The following VIM variants were observed in gnomAD, a reference collection of about 807,000 sequenced individuals.
The protein encoded by VIM is epididymis secretory sperm binding protein.
Under a neutral mutation model 50.3 loss-of-function variants are expected in VIM, and 18 were observed. The observed-to-expected ratio is 0.36, with a 90% CI of 0.25 to 0.53. The LOEUF is 0.53. VIM is among the 20% of genes least tolerant of loss of function. The pLI, the probability that VIM is intolerant of heterozygous loss-of-function variation, is 0.91. For synonymous variants in VIM, 245 were observed against 248.5 expected (o/e 0.99, Z 0.13); for missense variants, 551 against 614.7 (o/e 0.90, Z 1.10).
chr10:17,229,473 C>T lies in VIM; in HGVS notation c.51C>T (p.Gly17=). The T allele has an allele frequency of 6.2e-7, 1 of 1,606,666 alleles. No individual in the cohort carries two copies. The highest frequency in any genetic ancestry group is 8.5e-7 in the Non-Finnish European group (1 of 1,179,036). ...CCTCCTACCGCAGGATGTTCGGCGG[C>T]CCGGGCACCGCGAGCCGGCCGAGCT... ...SSSSYRRMFG[G]PGTASRPSSS... Residue 17 remains glycine (G), a synonymous_variant, in exon 2 of 10, where the codon GGC becomes GGT. Coordinates refer to ENST00000544301, the MANE Select transcript of VIM (RefSeq NM_003380.5).
In VIM at chr10:17,237,232, T is replaced by A. The variant is rs1355411378; in HGVS notation, c.1362T>A (p.Val454=). 1 of 1,603,934 alleles carries A rather than the reference T, an allele frequency of 6.2e-7. No homozygotes were observed. The highest frequency in any genetic ancestry group is 2.2e-5 in the East Asian group (1 of 44,830). Residue 454 remains valine (V), a splice_region_variant and synonymous_variant, in exon 10 of 10, where the codon GTT becomes GTA. Coordinates refer to ENST00000544301, the MANE Select transcript of VIM (RefSeq NM_003380.5). ...TTTTGGTTTTTTTTTTTAAACAGGT[T>A]ATCAACGAAACTTCTCAGCATCACG... ...IKTVETRDGQ[V]INETSQHHDD...
At position 17,237,311 on chromosome 10, in the gene VIM, G is replaced by T; in HGVS notation, c.*40G>T. 6.3e-7 allele frequency: 1 copy of T among 1,578,074 alleles called. No homozygotes were observed. Among genetic ancestry groups the T allele is most frequent in the Non-Finnish European group, 8.6e-7 (1 of 1,156,910 alleles). ...CAGTGCAGCAATATATTACCAGCAA[G>T]AATAAAAAAGAAATCCATATCTTAA... On this transcript the variant is annotated 3_prime_UTR_variant, in exon 10 of 10. Transcript: ENST00000544301.
intron 3 of VIM, among the ~76,000 whole-genome samples, chr10:17,232,941 A>G (rs1332983807): frequency 6.6e-6 from 1 of 152,220 alleles, no homozygotes; most frequent in Non-Finnish European, 1.5e-5. Context: ...AAAGTAATTA[A>G]ATTAAATGAA....
intron 3 of VIM, 196 bp downstream of exon 3, chr10:17,230,906 T>G (rs1341995317): frequency 3.5e-6 from 1 of 286,756 alleles, no homozygotes. Context: ...CTTGAGCGAT[T>G]TTTTTTTTTT....
At position 17,236,265 on chromosome 10, in the gene VIM, A is replaced by C. The variant is rs200106327; in HGVS notation, c.1274-29A>C. 178 of 1,501,122 alleles carry C rather than the reference A, an allele frequency of 1.2e-4. 1 individual carries two copies. The highest frequency in any genetic ancestry group is 2.3e-5 in the Non-Finnish European group (25 of 1,077,426). The allele number at this position is 1,501,122 out of a possible 1,614,324, so 93.0% of individuals were successfully genotyped here. A position where few individuals can be genotyped will look rare whatever the true frequency, so the allele number is the denominator to read the frequency against. ...TTTTTCCAAGAAAAAACTCGTTTTT[A>C]CTCATTTTTGGCCTGTTTGTTTATT... is the stretch of plus-strand genomic sequence containing the variant. On this transcript the variant is annotated intron_variant, in intron 8 of 9. Transcript: ENST00000544301.
At chr10:17,236,166 A>AT (rs1426825619) in intron 8 of VIM, 128 bp from the exon 9 acceptor site, 1 of 858,888 alleles carries the variant, frequency 1.2e-6, no homozygotes, top group African/African-American at 1.7e-5. Context: ...CCCTAAAATT[A>AT]TTTGGCGAGT....
In VIM at chr10:17,229,903, G is replaced by A. The variant is rs772870142; in HGVS notation, c.481G>A (p.Val161Met). The A allele has an allele frequency of 6.2e-7, 1 of 1,612,604 alleles. No individual in the cohort carries two copies. Among genetic ancestry groups the A allele is most frequent in the East Asian group, 2.2e-5 (1 of 44,842 alleles). ...GGAGATGCGGGAGCTGCGCCGGCAG[G>A]TGGACCAGCTAACCAACGACAAAGC... is the stretch of plus-strand genomic sequence containing the variant. ...EEEMRELRRQ[V>M]DQLTNDKARV... The change falls in exon 2 of 10, where the codon GTG (valine) becomes ATG (methionine). Residue 161 changes from valine to methionine, a missense_variant. Physicochemically the swap from Val to Met is conservative, Grantham distance 21. Coordinates refer to ENST00000544301, the MANE Select transcript of VIM (RefSeq NM_003380.5).
chr10:17,229,014 T>G (rs990669015), intron 1 of VIM: 5 of 245,174 alleles, frequency 2.0e-5, no homozygotes, highest in Non-Finnish European at 4.0e-5. Context: ...CCCCGCCTTT[T>G]TCAGCACCCC....
Position 17,229,749 on chromosome 10 carries a change from G to A in VIM, c.327G>A (p.Glu109=), listed in dbSNP as rs761507856. 3 of 1,587,008 alleles carry A rather than the reference G, an allele frequency of 1.9e-6. No homozygotes were observed. The highest frequency in any genetic ancestry group is 2.3e-5 in the South Asian group (2 of 87,714). The change falls in exon 2 of 10, where the codon GAG becomes GAA. Residue 109 remains glutamate (E), a synonymous_variant. Transcript: ENST00000544301. ...TRTNEKVELQ[E]LNDRFANYID... ...CCAACGAGAAGGTGGAGCTGCAGGA[G>A]CTGAATGACCGCTTCGCCAACTACA...
intron 4 of VIM, 36 bp from the exon 5 acceptor site, chr10:17,233,734 T>C (rs377174707): frequency 1.9e-6 from 3 of 1,614,160 alleles, no homozygotes; most frequent in Admixed American, 1.7e-5. Flanking sequence ...GCCCCCACGG[T>C]TGGCAGAGCT....
chr10:17,235,004 C>T, intron 6 of VIM, 165 bp from the exon 7 acceptor site: 1 of 1,169,448 alleles, frequency 8.6e-7, no homozygotes. Flanking sequence ...TTGCCTATAT[C>T]ATTGCTTCTA....
intron 3 of VIM, 184 bp from the exon 4 acceptor site, chr10:17,233,403 A>G: frequency 1.6e-6 from 1 of 608,858 alleles, no homozygotes; most frequent in Non-Finnish European, 2.9e-6. Context: ...ATTAGTGAGC[A>G]GGAGAAAGCA....
At chr10:17,233,742 G>T in intron 4 of VIM, 28 bp from the exon 5 acceptor site, 1 of 1,614,220 alleles carries the variant, frequency 6.2e-7, no homozygotes, top group Non-Finnish European at 8.5e-7. Flanking sequence ...GGTTGGCAGA[G>T]CTGACCGTCT....
chr10:17,234,805 C>T lies in VIM; in HGVS notation c.995C>T (p.Ala332Val). 6.2e-7 allele frequency: 1 copy of T among 1,614,048 alleles called. No individual in the cohort carries two copies. Among genetic ancestry groups the T allele is most frequent in the Non-Finnish European group, 8.5e-7 (1 of 1,180,014 alleles). ...CAGTCCCTCACCTGTGAAGTGGATG[C>T]CCTTAAAGGAACCGTGAGTACCAAC... ...QVQSLTCEVD[A>V]LKGTNESLER... The change falls in exon 6 of 10, where the codon GCC becomes GTC. Residue 332 changes from alanine to valine, a missense_variant. This residue lies in a region of VIM where 394 missense variants were observed against 437.5 expected (regional missense o/e 0.90). Coordinates refer to ENST00000544301, the MANE Select transcript of VIM (RefSeq NM_003380.5).
rs376556829 is a variant in VIM, at chr10:17,230,719, ACT to A, written c.624+14_624+15del. 1.7e-5 allele frequency: 27 copies of A among 1,613,772 alleles called. No individual in the cohort carries two copies. The highest frequency in any genetic ancestry group is 3.3e-4 in the Middle Eastern group (2 of 6,060). ...TGCAATCTTTCAGACAGGTTTGTAG[ACT>A]CTCTTCCCACTCGCAGCCGCCTGAC... On this transcript the variant is annotated intron_variant, in intron 3 of 9. Transcript: ENST00000544301.
intron 5 of VIM, 65 bp downstream of exon 5, chr10:17,233,996 G>A: frequency 1.3e-6 from 2 of 1,554,348 alleles, no homozygotes; most frequent in Non-Finnish European, 1.7e-6. Context: ...CCCCATACCT[G>A]TGTGTGATTC....
rs753533838 is a variant in VIM at position 17,237,238 on chromosome 10, C to T, written c.1368C>T (p.Asn456=). ...TVETRDGQVI[N]ETSQHHDDLE ...TTTTTTTTTTTAAACAGGTTATCAACGAAACTTCTCAGCATCACGATGACC... is the reference window on the plus strand; with the variant it reads ...TTTTTTTTTTTAAACAGGTTATCAATGAAACTTCTCAGCATCACGATGACC... Residue 456 remains asparagine, a synonymous_variant, in exon 10 of 10, where the codon AAC becomes AAT. Transcript: ENST00000544301. 90 of 1,604,096 alleles carry T rather than the reference C, an allele frequency of 5.6e-5. No individual in the cohort carries two copies. The highest frequency in any genetic ancestry group is 2.7e-4 in the Admixed American group (16 of 59,354).
In VIM at chr10:17,228,512, A is replaced by G. The variant is rs560417230; in HGVS notation, c.-160A>G. ...CCGCTAGGAGCCCTCAATCGGCGGGACAGCAGGGCGCGGTGAGTCACCGCC... is the reference window on the plus strand; with the variant it reads ...CCGCTAGGAGCCCTCAATCGGCGGGGCAGCAGGGCGCGGTGAGTCACCGCC... On this transcript the variant is annotated 5_prime_UTR_variant, in exon 1 of 10. Coordinates refer to ENST00000544301, the MANE Select transcript of VIM (RefSeq NM_003380.5). 1.3e-5 allele frequency: 2 copies of G among 152,326 alleles called. No individual in the cohort carries two copies. Among genetic ancestry groups the G allele is most frequent in the African/African-American group, 2.4e-5 (1 of 41,564 alleles). The allele number at this position is 152,326 out of a possible 1,614,324, so 9.4% of individuals were successfully genotyped here.
chr10:17,236,464 AG>A, intron 9 of VIM, 85 bp downstream of exon 9: 1 of 1,176,954 alleles, frequency 8.5e-7, no homozygotes, highest in Non-Finnish European at 1.3e-6. Flanking sequence ...TCTCAGATAC[AG>A]CTGGCTAATT....
Sources: gnomAD v4.1 joint callset for allele counts (sites outside exome capture counted in the v4.1 genomes callset) on GRCh38, gnomAD v4.1.1 for gene constraint, gnomAD v4.1.1 regional missense constraint, MANE v1.5 for transcripts, NCBI Gene and HGNC (gene_info 2026-07-23, HGNC 2026-07-21) for gene names.